Variants in CCSER1 observed in about 807,000 individuals in gnomAD.
CCSER1 encodes serine-rich coiled-coil domain-containing protein 1.
In CCSER1, 41 loss-of-function variants were observed where a neutral mutation model predicts 82.0. The ratio of observed to expected loss-of-function variants is 0.50; its 90% confidence interval spans 0.39 to 0.65. The LOEUF (loss-of-function observed/expected upper bound fraction) is 0.65, where lower values mean the gene tolerates loss of function less well. Ranked by LOEUF, CCSER1 falls within the 30% of genes least tolerant of loss-of-function variation. The pLI is 0.00. For missense variants in CCSER1, 1,119 were observed against 1,064.2 expected, an observed-to-expected ratio of 1.05 and a Z score of -0.72; for synonymous variants, 414 against 383.9, an observed-to-expected ratio of 1.08 and a Z score of -0.92.
intron 10 of CCSER1, among the ~76,000 whole-genome samples, chr4:91,149,133 T>G (rs1729863007): frequency 1.3e-5 from 2 of 152,174 alleles, no homozygotes; most frequent in African/African-American, 2.4e-5. Context: ...CCACATCCTC[T>G]CCAGCACCTG....
chr4:90,756,221 CTG>C (rs1749499445), intron 7 of CCSER1, among the ~76,000 whole-genome samples: 2 of 152,132 alleles, frequency 1.3e-5, no homozygotes, highest in East Asian at 1.9e-4. Flanking sequence ...GAGCGAGACT[CTG>C]TCTCAAAAAA....
In CCSER1 at chr4:90,175,101, A is replaced by G. The variant is rs193019060; in HGVS notation, c.-42+47270A>G. ...TTGTAAGAGCCAGAAACTGGTAACA[A>G]ACCGAGTGCCCATCAACAGGTGGAT... On this transcript the variant is annotated intron_variant, in intron 1 of 10. Coordinates refer to ENST00000509176, the MANE Select transcript of CCSER1 (RefSeq NM_001145065.2). 9.2e-4 allele frequency among the ~76,000 whole-genome samples: 140 copies of G among 152,134 alleles called. 1 individual carries two copies. The highest frequency in any genetic ancestry group is 3.2e-3 in the African/African-American group (134 of 41,544).
At chr4:90,749,500 A>C (rs1748181313) in intron 7 of CCSER1, among the ~76,000 whole-genome samples, 1 of 152,090 alleles carries the variant, frequency 6.6e-6, no homozygotes, top group Non-Finnish European at 1.5e-5. Context: ...CTTTTGGCTT[A>C]GGATTGACTT....
rs931177130 is a variant in CCSER1, at chr4:91,548,370, T to G, written c.2218-50202T>G. The stretch of plus-strand genomic sequence containing the variant: ...TGCACATAAATTATACCTATTATTT[T>G]GAAGGAATATATTTCTGTTAAGTTA... On this transcript the variant is annotated intron_variant, in intron 10 of 10. Coordinates refer to ENST00000509176, the MANE Select transcript of CCSER1 (RefSeq NM_001145065.2). 3.3e-5 allele frequency among the ~76,000 whole-genome samples: 5 copies of G among 151,064 alleles called. No homozygotes were observed. In the East Asian group the frequency reaches 9.7e-4, roughly 29 times the overall value.
chr4:91,594,567 T>C (rs1474862594), intron 10 of CCSER1, among the ~76,000 whole-genome samples: 1 of 151,614 alleles, frequency 6.6e-6, no homozygotes, highest in Non-Finnish European at 1.5e-5. Flanking sequence ...CCAAAATGTA[T>C]TTTAATATTT....
intron 10 of CCSER1, among the ~76,000 whole-genome samples, chr4:91,576,071 A>T (rs1018808935): frequency 6.6e-6 from 1 of 152,086 alleles, no homozygotes; most frequent in Non-Finnish European, 1.5e-5. Context: ...TTGCAGCATT[A>T]TTCACAATAG....
At chr4:90,822,898 CTTA>C (rs958605736) in intron 8 of CCSER1, among the ~76,000 whole-genome samples, 18 of 152,030 alleles carry the variant, frequency 1.2e-4, no homozygotes, top group African/African-American at 3.4e-4. Flanking sequence ...AACAAAAATA[CTTA>C]TTATGTTTTC....
At chr4:90,640,168 A>G (rs938364187) in intron 6 of CCSER1, among the ~76,000 whole-genome samples, 4 of 152,160 alleles carry the variant, frequency 2.6e-5, no homozygotes, top group Admixed American at 2.0e-4. Context: ...AAGCTTTAGG[A>G]ATTTCAATAT....
intron 9 of CCSER1, among the ~76,000 whole-genome samples, chr4:91,027,756 T>C (rs967635291): frequency 6.6e-6 from 1 of 152,082 alleles, no homozygotes; most frequent in Non-Finnish European, 1.5e-5. Context: ...AGTTTGCTAT[T>C]GTATTAGAAG....
chr4:90,344,471 G>A (rs567351707), intron 3 of CCSER1, among the ~76,000 whole-genome samples: 1 of 152,042 alleles, frequency 6.6e-6, no homozygotes, highest in East Asian at 1.9e-4. Flanking sequence ...TGTAGAGACT[G>A]TGTGGTACAG....
intron 9 of CCSER1, among the ~76,000 whole-genome samples, chr4:91,009,452 G>A (rs1321595225): frequency 6.6e-6 from 1 of 152,110 alleles, no homozygotes; most frequent in Non-Finnish European, 1.5e-5. Context: ...CGCGTTTAAA[G>A]GTGGATGCAG....
chr4:90,696,598 G>A (rs1464757043), intron 6 of CCSER1, among the ~76,000 whole-genome samples: 4 of 152,052 alleles, frequency 2.6e-5, no homozygotes, highest in African/African-American at 4.8e-5. Flanking sequence ...TCTGAAGTTC[G>A]CTTACCATCA....
intron 8 of CCSER1, among the ~76,000 whole-genome samples, chr4:90,848,510 A>G (rs540427458): frequency 1.3e-5 from 2 of 152,212 alleles, no homozygotes; most frequent in Non-Finnish European, 2.9e-5. Context: ...CAAACATTCT[A>G]AAATAATCTT....
chr4:90,490,289 T>G (rs1767773313), intron 5 of CCSER1, among the ~76,000 whole-genome samples: 1 of 152,240 alleles, frequency 6.6e-6, no homozygotes, highest in African/African-American at 2.4e-5. Flanking sequence ...TGAGCATTTT[T>G]TCATGTGTCT....
chr4:90,631,933 C>T (rs942489253), intron 6 of CCSER1, among the ~76,000 whole-genome samples: 2 of 151,864 alleles, frequency 1.3e-5, no homozygotes, highest in African/African-American at 4.8e-5. Context: ...GAGTTGGGTC[C>T]CGTTCCCAAG....
At chr4:91,569,546 A>G (rs1763065196) in intron 10 of CCSER1, among the ~76,000 whole-genome samples, 1 of 152,188 alleles carries the variant, frequency 6.6e-6, no homozygotes, top group Non-Finnish European at 1.5e-5. Flanking sequence ...CTTAACAATC[A>G]TGGCAGAAAG....
At chr4:91,355,146 T>C (rs1253415504) in intron 10 of CCSER1, among the ~76,000 whole-genome samples, 3 of 152,174 alleles carry the variant, frequency 2.0e-5, no homozygotes, top group African/African-American at 7.2e-5. Context: ...GTAGCCTAAA[T>C]GACACAAGAC....
At chr4:91,534,059 A>G (rs920985056) in intron 10 of CCSER1, among the ~76,000 whole-genome samples, 3 of 152,050 alleles carry the variant, frequency 2.0e-5, no homozygotes, top group Non-Finnish European at 1.5e-5. Flanking sequence ...GCAACTGTAG[A>G]TTATCTCTAG....
At chr4:90,132,085 T>C (rs1467600673) in intron 1 of CCSER1, among the ~76,000 whole-genome samples, 1 of 152,212 alleles carries the variant, frequency 6.6e-6, no homozygotes, top group East Asian at 1.9e-4. Context: ...TTCATATATA[T>C]ATTTTGTTGA....
Sources: gnomAD v4.1 joint callset for allele counts (sites outside exome capture counted in the v4.1 genomes callset) on GRCh38, gnomAD v4.1.1 for gene constraint, MANE v1.5 for transcripts, NCBI Gene and HGNC (gene_info 2026-07-23, HGNC 2026-07-21) for gene names.